GHR: variants seen among roughly 807,000 people sequenced by gnomAD.
The protein encoded by GHR is GH receptor.
Under a neutral mutation model 67.1 loss-of-function variants are expected in GHR, and 35 were observed. The observed-to-expected ratio is 0.52, with a 90% confidence interval of 0.40 to 0.69. The LOEUF (loss-of-function observed/expected upper bound fraction) is 0.69. Among genes scored for constraint, GHR ranks in the 30% least tolerant of loss-of-function variants. GHR has a pLI of 0.00. For synonymous variants in GHR, 272 were observed against 269.1 expected, an observed-to-expected ratio of 1.01 and a Z score of -0.10; for missense variants, 792 against 764.6, an observed-to-expected ratio of 1.04 and a Z score of -0.42.
chr5:42,577,659 A>G (rs1750829266), intron 2 of GHR, among the ~76,000 whole-genome samples: 1 of 152,196 alleles, frequency 6.6e-6, no homozygotes, highest in Non-Finnish European at 1.5e-5. Context: ...TCTCCTAGGA[A>G]CTTTAATATT....
intron 4 of GHR, among the ~76,000 whole-genome samples, chr5:42,689,678 G>A (rs539278786): frequency 6.6e-6 from 1 of 152,306 alleles, no homozygotes; most frequent in African/African-American, 2.4e-5. Flanking sequence ...GCACAAGATT[G>A]AAAGTGAGGA....
intron 2 of GHR, among the ~76,000 whole-genome samples, chr5:42,576,070 A>AAAAT (rs1561135465): frequency 9.3e-5 from 8 of 85,922 alleles, no homozygotes; most frequent in African/African-American, 4.9e-4. Context: ...AAAATAAAAT[A>AAAAT]AAATAAAATA....
At chr5:42,510,824 T>G (rs912262297) in intron 1 of GHR, among the ~76,000 whole-genome samples, 1 of 152,178 alleles carries the variant, frequency 6.6e-6, no homozygotes, top group African/African-American at 2.4e-5. Context: ...CTTTGCCTGG[T>G]GGGAGAGGGC....
At chr5:42,481,675 C>T (rs976520058) in intron 1 of GHR, among the ~76,000 whole-genome samples, 19 of 152,356 alleles carry the variant, frequency 1.2e-4, no homozygotes, top group East Asian at 1.9e-4. Flanking sequence ...TTGATCTCAT[C>T]GGCTACTGAG....
chr5:42,534,204 A>G (rs71590629), intron 1 of GHR, among the ~76,000 whole-genome samples: 6,661 of 81,592 alleles, frequency 0.082, 299 homozygotes, highest in African/African-American at 0.17. Context: ...ATGTGTATAT[A>G]TGTATATATG....
At chr5:42,647,123 G>C (rs1754771252) in intron 3 of GHR, among the ~76,000 whole-genome samples, 1 of 152,134 alleles carries the variant, frequency 6.6e-6, no homozygotes, top group Non-Finnish European at 1.5e-5. Flanking sequence ...ATGCCGCTGA[G>C]AAAATGGTAT....
rs1251647853 is a variant in GHR at position 42,479,334 on chromosome 5, G to C, written c.-12+55379G>C. On this transcript the variant is annotated intron_variant, in intron 1 of 9. Transcript: ENST00000230882. Reference sequence around the variant, plus strand: ...GCATCAATGTTCATCAAGGATATTGGTCTAAAATTCTCTTTTTTGGTTGTG... The same window carrying C: ...GCATCAATGTTCATCAAGGATATTGCTCTAAAATTCTCTTTTTTGGTTGTG... Among the ~76,000 whole-genome samples, 49 of 152,162 alleles carry C rather than the reference G, an allele frequency of 3.2e-4. 2 individuals carry two copies. The highest frequency in any genetic ancestry group is 3.2e-3 in the Admixed American group (49 of 15,278).
chr5:42,471,688 C>CTTAACAAA (rs1201803868), intron 1 of GHR, among the ~76,000 whole-genome samples: 1 of 152,192 alleles, frequency 6.6e-6, no homozygotes, highest in East Asian at 1.9e-4. Flanking sequence ...GTGCCTAGAA[C>CTTAACAAA]TGTAGCTGGT....
chr5:42,598,520 G>A (rs1365153432), intron 2 of GHR, among the ~76,000 whole-genome samples: 1 of 152,116 alleles, frequency 6.6e-6, no homozygotes, highest in Non-Finnish European at 1.5e-5. Context: ...TCCTCAACAT[G>A]TTCTTAAAAG....
chr5:42,568,822 A>T (rs1179010337), intron 2 of GHR, among the ~76,000 whole-genome samples: 2 of 152,240 alleles, frequency 1.3e-5, no homozygotes, highest in Non-Finnish European at 2.9e-5. Flanking sequence ...GGACTAGAAT[A>T]GTTAATTCAA....
chr5:42,672,107 T>G (rs1756345432), intron 3 of GHR, among the ~76,000 whole-genome samples: 1 of 152,122 alleles, frequency 6.6e-6, no homozygotes, highest in African/African-American at 2.4e-5. Flanking sequence ...TTTTCTCACC[T>G]GTTGTATTCA....
intron 1 of GHR, among the ~76,000 whole-genome samples, chr5:42,461,534 AG>A (rs1744487560): frequency 1.3e-5 from 2 of 152,242 alleles, no homozygotes; most frequent in East Asian, 3.9e-4. Flanking sequence ...TTCTTTGGGG[AG>A]GCCTTCCCTG....
chr5:42,719,693 G>C lies in GHR; in HGVS notation c.*269G>C, dbSNP rs1317083673. ...TAGCAGTGATTGTCTTAATATTGTG[G>C]GTGTTAATTTTTGATACTAAGCATT... On this transcript the variant is annotated 3_prime_UTR_variant, in exon 10 of 10. Transcript: ENST00000230882. 1 of 441,834 alleles carries C rather than the reference G, an allele frequency of 2.3e-6. No homozygotes were observed. 27.4% of individuals were successfully genotyped at this position (441,834 alleles called of 1,614,324 possible). A position where few individuals can be genotyped will look rare whatever the true frequency, so the allele number is the denominator to read the frequency against.
chr5:42,473,523 G>T (rs770821110), intron 1 of GHR, among the ~76,000 whole-genome samples: 3 of 152,174 alleles, frequency 2.0e-5, no homozygotes, highest in Non-Finnish European at 4.4e-5. Context: ...GTTTAATAAT[G>T]AGGCCTTATT....
chr5:42,710,046 TAA>T (rs60038212), intron 6 of GHR, among the ~76,000 whole-genome samples: 1 of 148,716 alleles, frequency 6.7e-6, no homozygotes, highest in East Asian at 2.0e-4. Context: ...ACATAGGCTT[TAA>T]AAAAAAAACT....
intron 1 of GHR, among the ~76,000 whole-genome samples, chr5:42,525,120 C>T (rs1408424746): frequency 6.6e-6 from 1 of 152,172 alleles, no homozygotes; most frequent in Non-Finnish European, 1.5e-5. Context: ...CACTGTCCTC[C>T]AGACCCCAGA....
intron 1 of GHR, among the ~76,000 whole-genome samples, chr5:42,540,473 G>A (rs1748456958): frequency 6.6e-6 from 1 of 151,964 alleles, no homozygotes; most frequent in African/African-American, 2.4e-5. Context: ...CTAGGAATAA[G>A]GATTGTCCAT....
intron 1 of GHR, chr5:42,468,470 C>G (rs991515338): frequency 1.6e-5 from 13 of 817,342 alleles, no homozygotes; most frequent in African/African-American, 1.0e-4. Context: ...CTGAGAGGCC[C>G]GACCAGAGTT....
intron 2 of GHR, among the ~76,000 whole-genome samples, chr5:42,612,835 C>T (rs1342373602): frequency 6.6e-6 from 1 of 152,096 alleles, no homozygotes; most frequent in Non-Finnish European, 1.5e-5. Flanking sequence ...GACTCCAAAG[C>T]CTTGACCCTC....
Sources: allele counts gnomAD v4.1 joint callset (sites outside exome capture counted in the v4.1 genomes callset), GRCh38; gene constraint gnomAD v4.1.1; transcripts MANE v1.5; gene names NCBI Gene and HGNC (gene_info 2026-07-23, HGNC 2026-07-21).